Variants in ARHGEF17 observed in about 807,000 individuals in gnomAD.
ARHGEF17 encodes the protein Rho guanine nucleotide exchange factor 17.
In ARHGEF17, 80 loss-of-function variants were observed where a neutral mutation model predicts 174.0. That is an observed-to-expected ratio of 0.46 (90% CI 0.38 to 0.55). The LOEUF is 0.55. Among genes scored for constraint, ARHGEF17 ranks in the 20% least tolerant of loss-of-function variants. The pLI is 0.00. For synonymous variants in ARHGEF17, 1,311 were observed against 1,189.1 expected, an observed-to-expected ratio of 1.10 and a Z score of -2.11; for missense variants, 2,886 against 2,839.7, an observed-to-expected ratio of 1.02 and a Z score of -0.37.
chr11:73,353,043 A>G lies in ARHGEF17; in HGVS notation c.3453+31A>G, dbSNP rs376743230. 10 of 1,610,980 alleles carry G rather than the reference A, an allele frequency of 6.2e-6. No homozygotes were observed. The African/African-American group carries it at 1.2e-4, about 19-fold the overall frequency. On this transcript the variant is annotated intron_variant, in intron 3 of 20. Transcript: ENST00000263674. ...TGGCCCCGCTGCTGCCAATTCCCACAAGCACAGGCCCTCCTGGAAGGGGCT... is the reference window on the plus strand; with the variant it reads ...TGGCCCCGCTGCTGCCAATTCCCACGAGCACAGGCCCTCCTGGAAGGGGCT...
At chr11:73,326,675 G>A (rs1306172006) in intron 1 of ARHGEF17, among the ~76,000 whole-genome samples, 1 of 151,992 alleles carries the variant, frequency 6.6e-6, no homozygotes, top group East Asian at 1.9e-4. Context: ...CACCGAGATT[G>A]CACATTGCAC....
At chr11:73,347,168 G>C (rs1044884667) in intron 2 of ARHGEF17, 2 of 679,510 alleles carry the variant, frequency 2.9e-6, no homozygotes, top group Non-Finnish European at 5.4e-6. Context: ...ATGCAGAGGG[G>C]CCAGGCCACC....
chr11:73,335,881 G>A (rs79383898), intron 1 of ARHGEF17, among the ~76,000 whole-genome samples: 1,818 of 152,334 alleles, frequency 0.012, 41 homozygotes, highest in African/African-American at 0.041. Flanking sequence ...GAGTGGAGAG[G>A]AATTTGGCTA....
rs1865891017 is a variant in ARHGEF17, at chr11:73,369,202, A to G, written c.*1422A>G. On this transcript the variant is annotated 3_prime_UTR_variant, in exon 21 of 21. Coordinates refer to ENST00000263674, the MANE Select transcript of ARHGEF17 (RefSeq NM_014786.4). ...AAGAAGGGAGGCCTTGGAGACCCAGAAGAGTGCTGGACGGCGAGGTTGCCA... is the reference window on the plus strand; with the variant it reads ...AAGAAGGGAGGCCTTGGAGACCCAGGAGAGTGCTGGACGGCGAGGTTGCCA... 6.6e-6 allele frequency: 1 copy of G among 152,232 alleles called. No homozygotes were observed. The highest frequency in any genetic ancestry group is 2.4e-5 in the African/African-American group (1 of 41,432). 9.4% of individuals were successfully genotyped at this position (152,232 alleles called of 1,614,324 possible).
rs375736219 is a variant in ARHGEF17, at chr11:73,368,924, G to A, written c.*1144G>A. 3 of 152,314 alleles carry A rather than the reference G, an allele frequency of 2.0e-5. No homozygotes were observed. The highest frequency in any genetic ancestry group is 4.8e-5 in the African/African-American group (2 of 41,418). The allele number at this position is 152,314 out of a possible 1,614,324, so 9.4% of individuals were successfully genotyped here. A position where few individuals can be genotyped will look rare whatever the true frequency, so the allele number is the denominator to read the frequency against. On this transcript the variant is annotated 3_prime_UTR_variant, in exon 21 of 21. Transcript: ENST00000263674. ...TCTTCAGCTAAAACTCCAAAGGTTT[G>A]GTTTCAGATGGGGTTTGTTTTGTTC...
Position 73,309,401 on chromosome 11 carries a change from G to C in ARHGEF17, c.763G>C (p.Glu255Gln). 6.4e-7 allele frequency: 1 copy of C among 1,558,254 alleles called. No homozygotes were observed. Among genetic ancestry groups the C allele is most frequent in the Non-Finnish European group, 8.7e-7 (1 of 1,150,080 alleles). Residue 255 changes from glutamate to glutamine, a missense_variant, in exon 1 of 21, where the codon GAG (glutamate) becomes CAG (glutamine). Around this residue, in one of 4 missense-constraint regions of ARHGEF17, gnomAD observed 1,728 missense variants for 1,461.2 expected, o/e 1.18. Coordinates refer to ENST00000263674, the MANE Select transcript of ARHGEF17 (RefSeq NM_014786.4). ...TGCTGCCAGCTCCAGCGAGGAGGAA[G>C]AGGAGGGCCCGCCGCAGCTGCCTGG... ...SRAASSSEEEEEGPPQLPGAQ... is the reference protein window; with the variant it reads ...SRAASSSEEEQEGPPQLPGAQ...
At chr11:73,330,536 G>A (rs1865188532) in intron 1 of ARHGEF17, among the ~76,000 whole-genome samples, 1 of 152,212 alleles carries the variant, frequency 6.6e-6, no homozygotes, top group African/African-American at 2.4e-5. Flanking sequence ...TCTAGGGTGG[G>A]TGTGAAGGTC....
In ARHGEF17 at chr11:73,310,856, C is replaced by T; in HGVS notation, c.2218C>T (p.Gln740Ter). ...AYRSLSDPIP[Q>*]RHRAATSEEP... ...CAGGTCCCTGAGTGACCCAATTCCT[C>T]AGCGCCACCGGGCTGCCACCTCTGA... The change falls in exon 1 of 21, where the codon CAG becomes TAG. Residue 740 changes from glutamine (Q) to a stop codon, truncating the protein, a stop_gained. Coordinates refer to ENST00000263674, the MANE Select transcript of ARHGEF17 (RefSeq NM_014786.4). LOFTEE classifies it high-confidence loss of function. The T allele has an allele frequency of 1.2e-6, 2 of 1,612,014 alleles. No individual in the cohort carries two copies. Among genetic ancestry groups the T allele is most frequent in the Non-Finnish European group, 1.7e-6 (2 of 1,179,228 alleles).
chr11:73,310,492 A>G lies in ARHGEF17; in HGVS notation c.1854A>G (p.Gly618=). The change falls in exon 1 of 21, where the codon GGA becomes GGG. Residue 618 remains glycine, a synonymous_variant. Transcript: ENST00000263674. ...QQDDGSDAPP[G]SPDWAGDVTR... Reference sequence around the variant, plus strand: ...ATGATGGAAGCGATGCCCCCCCTGGAAGCCCTGACTGGGCAGGGGATGTGA... The same window carrying G: ...ATGATGGAAGCGATGCCCCCCCTGGGAGCCCTGACTGGGCAGGGGATGTGA... The G allele has an allele frequency of 6.2e-7, 1 of 1,613,994 alleles. No homozygotes were observed. Among genetic ancestry groups the G allele is most frequent in the Non-Finnish European group, 8.5e-7 (1 of 1,180,038 alleles).
At chr11:73,336,866 C>T (rs2134404175) in intron 1 of ARHGEF17, among the ~76,000 whole-genome samples, 1 of 152,350 alleles carries the variant, frequency 6.6e-6, no homozygotes, top group African/African-American at 2.4e-5. Flanking sequence ...GGCTGGACCT[C>T]ATCTGGCCTG....
At chr11:73,332,669 G>A (rs763450776) in intron 1 of ARHGEF17, among the ~76,000 whole-genome samples, 2 of 151,894 alleles carry the variant, frequency 1.3e-5, no homozygotes, top group African/African-American at 2.4e-5. Context: ...TCCTCTCTCC[G>A]GGTTCCTAGA....
chr11:73,351,072 T>C (rs1197324729), intron 2 of ARHGEF17, among the ~76,000 whole-genome samples: 1 of 152,164 alleles, frequency 6.6e-6, no homozygotes, highest in Non-Finnish European at 1.5e-5. Flanking sequence ...AGGTGAGCGG[T>C]TTAGCTGCTG....
chr11:73,353,621 G>A (rs1865591097), intron 3 of ARHGEF17, among the ~76,000 whole-genome samples: 1 of 152,146 alleles, frequency 6.6e-6, no homozygotes, highest in African/African-American at 2.4e-5. Context: ...GAAAGTTACA[G>A]TTAGGAAGTG....
intron 1 of ARHGEF17, among the ~76,000 whole-genome samples, chr11:73,321,583 A>G (rs1377407431): frequency 1.3e-5 from 2 of 152,218 alleles, no homozygotes; most frequent in Non-Finnish European, 2.9e-5. Context: ...ATGAGGGCCA[A>G]AGAGAGAATG....
rs201599107 is a variant in ARHGEF17, at chr11:73,365,586, A to G, written c.5725+22A>G. 53 of 1,612,868 alleles carry G rather than the reference A, an allele frequency of 3.3e-5. No homozygotes were observed. In the African/African-American group the frequency reaches 6.0e-4, roughly 18 times the overall value. ...GCAGGTACTGACCTCAAACTACCAC[A>G]GCACCCTCCTTGGAGCCTTTCTGCC... On this transcript the variant is annotated intron_variant, in intron 19 of 20. Coordinates refer to ENST00000263674, the MANE Select transcript of ARHGEF17 (RefSeq NM_014786.4). The surrounding 1 kb of genome is among the most constrained non-coding windows in gnomAD (Gnocchi z 4.9).
chr11:73,326,111 G>A (rs529458772), intron 1 of ARHGEF17, among the ~76,000 whole-genome samples: 9 of 152,350 alleles, frequency 5.9e-5, no homozygotes, highest in East Asian at 5.8e-4. Flanking sequence ...CATGGGGGCC[G>A]CAGGGTGAAG....
At chr11:73,320,402 G>C (rs747877276) in intron 1 of ARHGEF17, among the ~76,000 whole-genome samples, 6 of 151,640 alleles carry the variant, frequency 4.0e-5, no homozygotes, top group African/African-American at 1.5e-4. Flanking sequence ...TTGAGAGGCC[G>C]AGGCGGGCGG....
At chr11:73,345,775 G>A (rs1442654046) in intron 1 of ARHGEF17, among the ~76,000 whole-genome samples, 1 of 152,212 alleles carries the variant, frequency 6.6e-6, no homozygotes, top group Non-Finnish European at 1.5e-5. Context: ...TGGGAGGGGA[G>A]GGGAGAGAGG....
chr11:73,318,730 A>G (rs923473156), intron 1 of ARHGEF17, among the ~76,000 whole-genome samples: 6 of 152,240 alleles, frequency 3.9e-5, no homozygotes, highest in South Asian at 2.1e-4. Context: ...AGGGGAGGGC[A>G]GAGCACACCC....
Sources: gnomAD v4.1 joint callset for allele counts (sites outside exome capture counted in the v4.1 genomes callset) on GRCh38, gnomAD v4.1.1 for gene constraint, gnomAD v4.1.1 regional missense constraint, Gnocchi (gnomAD v3.1) non-coding constraint, MANE v1.5 for transcripts, NCBI Gene and HGNC (gene_info 2026-07-23, HGNC 2026-07-21) for gene names.